EGFR: variants seen among roughly 807,000 people sequenced by gnomAD.
The protein encoded by EGFR is avian erythroblastic leukemia viral (v-erb-b) oncogene homolog.
In EGFR, 58 loss-of-function variants were observed where a neutral mutation model predicts 143.0. The ratio of observed to expected loss-of-function variants is 0.41; its 90% confidence interval spans 0.33 to 0.50. EGFR has a LOEUF of 0.50. EGFR is among the 20% of genes least tolerant of loss of function. EGFR has a pLI of 0.39. For synonymous variants in EGFR, 613 were observed against 594.4 expected (o/e 1.03, Z -0.45); for missense variants, 1,307 against 1,579.0 (o/e 0.83, Z 2.92).
chr7:55,171,247 C>T (rs367804026), intron 16 of EGFR, 34 bp downstream of exon 16: 2 of 1,613,938 alleles, frequency 1.2e-6, no homozygotes, highest in African/African-American at 1.3e-5. Context: ...ACATGGACCT[C>T]GTCAAGAATG....
At chr7:55,188,579 G>C (rs147738577) in intron 20 of EGFR, among the ~76,000 whole-genome samples, 1 of 152,124 alleles carries the variant, frequency 6.6e-6, no homozygotes, top group Non-Finnish European at 1.5e-5. Flanking sequence ...TGAGGGTCTC[G>C]GAGAAGAAGC....
intron 20 of EGFR, among the ~76,000 whole-genome samples, chr7:55,186,493 G>A (rs6593210): frequency 0.19 from 29,586 of 152,144 alleles, 3,018 homozygotes; most frequent in Middle Eastern, 0.3. Flanking sequence ...TACCCAGCAC[G>A]TTCACATCAC....
intron 1 of EGFR, among the ~76,000 whole-genome samples, chr7:55,140,204 A>G (rs1794384311): frequency 6.6e-6 from 1 of 152,138 alleles, no homozygotes; most frequent in African/African-American, 2.4e-5. Flanking sequence ...CTGTGATTGA[A>G]TAATAAAAAT....
At chr7:55,064,387 C>T (rs10234806) in intron 1 of EGFR, among the ~76,000 whole-genome samples, 42,632 of 152,152 alleles carry the variant, frequency 0.28, 6,610 homozygotes, top group African/African-American at 0.39. Flanking sequence ...CTGTTGTTCT[C>T]AGAGCAGCTT....
chr7:55,168,757 G>T, intron 15 of EGFR: 1 of 575,822 alleles, frequency 1.7e-6, no homozygotes, highest in Non-Finnish European at 2.9e-6. Context: ...TTCTCCCAAA[G>T]CCATTAATTA....
At chr7:55,036,089 G>A (rs1160946898) in intron 1 of EGFR, among the ~76,000 whole-genome samples, 2 of 151,956 alleles carry the variant, frequency 1.3e-5, no homozygotes, top group East Asian at 1.9e-4. Context: ...AAGGTTTGGA[G>A]GCCATGGAGG....
chr7:55,050,659 T>C (rs911494414), intron 1 of EGFR, among the ~76,000 whole-genome samples: 1 of 152,182 alleles, frequency 6.6e-6, no homozygotes, highest in Non-Finnish European at 1.5e-5. Context: ...GTCTCCCCTG[T>C]AGGTCTCTCC....
At chr7:55,186,720 A>G (rs1011971011) in intron 20 of EGFR, among the ~76,000 whole-genome samples, 2 of 152,232 alleles carry the variant, frequency 1.3e-5, no homozygotes, top group African/African-American at 4.8e-5. Context: ...TTTACCTGCT[A>G]GTGTTAAGCA....
chr7:55,200,256 C>T (rs981260879), intron 23 of EGFR, 60 bp from the exon 24 acceptor site: 2 of 1,482,264 alleles, frequency 1.3e-6, no homozygotes, highest in Non-Finnish European at 1.9e-6. Context: ...TTAAGCAATG[C>T]CATCTTTATC....
At chr7:55,132,295 A>G (rs1251681281) in intron 1 of EGFR, among the ~76,000 whole-genome samples, 1 of 152,182 alleles carries the variant, frequency 6.6e-6, no homozygotes, top group Non-Finnish European at 1.5e-5. Flanking sequence ...TTCCAATCCC[A>G]ATTTTTGAGT....
chr7:55,080,863 G>A (rs749645020), intron 1 of EGFR, among the ~76,000 whole-genome samples: 21 of 152,094 alleles, frequency 1.4e-4, no homozygotes, highest in East Asian at 3.9e-4. Flanking sequence ...TTCACTTGTC[G>A]TGGATGTGGT....
chr7:55,104,315 G>A (rs1343012601), intron 1 of EGFR, among the ~76,000 whole-genome samples: 1 of 152,206 alleles, frequency 6.6e-6, no homozygotes, highest in African/African-American at 2.4e-5. Context: ...TGCCAAGCTG[G>A]GTTGAAACCG....
chr7:55,100,878 A>G (rs1791773731), intron 1 of EGFR, among the ~76,000 whole-genome samples: 1 of 152,242 alleles, frequency 6.6e-6, no homozygotes, highest in South Asian at 2.1e-4. Context: ...CAGAGGCAAT[A>G]TGCTCCATTT....
intron 1 of EGFR, among the ~76,000 whole-genome samples, chr7:55,119,659 C>G (rs1222971039): frequency 6.6e-6 from 1 of 152,252 alleles, no homozygotes; most frequent in Non-Finnish European, 1.5e-5. Flanking sequence ...TCCCCTCGCT[C>G]TGGCGTGGCC....
intron 23 of EGFR, among the ~76,000 whole-genome samples, chr7:55,199,382 G>A (rs536527035): frequency 6.6e-6 from 1 of 152,340 alleles, no homozygotes; most frequent in Non-Finnish European, 1.5e-5. Flanking sequence ...CCAGATTCAC[G>A]AGTGCAGTGG....
At chr7:55,202,907 T>C (rs1473857809) in intron 27 of EGFR, 4 of 640,836 alleles carry the variant, frequency 6.2e-6, no homozygotes, top group Non-Finnish European at 1.1e-5. Flanking sequence ...CACATCTGTG[T>C]GTGTGAGTGT....
At chr7:55,144,388 A>G (rs1363366936) in intron 3 of EGFR, among the ~76,000 whole-genome samples, 1 of 152,212 alleles carries the variant, frequency 6.6e-6, no homozygotes, top group Non-Finnish European at 1.5e-5. Flanking sequence ...GGCCCCAGCT[A>G]GTGAATGGAG....
At position 55,054,409 on chromosome 7, in the gene EGFR, G is replaced by A. The variant is rs547001905; in HGVS notation, c.88+35044G>A. Among the ~76,000 whole-genome samples the A allele has an allele frequency of 1.6e-3, 240 of 152,348 alleles. 1 individual carries two copies. The highest frequency in any genetic ancestry group is 5.6e-3 in the African/African-American group (234 of 41,574). ...AACCACTTTTAACACAGCGGGAAAA[G>A]CTATTTGTTCAGACAGGAGTGGGGT... On this transcript the variant is annotated intron_variant, in intron 1 of 27. Coordinates refer to ENST00000275493, the MANE Select transcript of EGFR (RefSeq NM_005228.5).
At chr7:55,027,975 T>TAA (rs5884397) in intron 1 of EGFR, among the ~76,000 whole-genome samples, 60 of 81,576 alleles carry the variant, frequency 7.4e-4, no homozygotes, top group South Asian at 2.6e-3. Flanking sequence ...TGCCTTTATG[T>TAA]AAAAAAAAAA....
Sources: gnomAD v4.1 joint callset for allele counts (sites outside exome capture counted in the v4.1 genomes callset) on GRCh38, gnomAD v4.1.1 for gene constraint, MANE v1.5 for transcripts, NCBI Gene and HGNC (gene_info 2026-07-23, HGNC 2026-07-21) for gene names.